Variants in TAF6 observed in about 807,000 individuals in gnomAD.
TAF6 encodes transcription initiation factor TFIID subunit 6.
In TAF6, 50 loss-of-function variants were observed where a neutral mutation model predicts 73.5. The ratio of observed to expected loss-of-function variants is 0.68; its 90% CI spans 0.54 to 0.86. The LOEUF (loss-of-function observed/expected upper bound fraction) is 0.86, where lower values mean the gene tolerates loss of function less well. TAF6 is among the 40% of genes least tolerant of loss of function. The pLI, the probability that TAF6 is intolerant of heterozygous loss-of-function variation, is 0.00. For missense variants in TAF6, 768 were observed against 899.5 expected (o/e 0.85, Z 1.87); for synonymous variants, 424 against 376.7 (o/e 1.13, Z -1.45).
chr7:100,119,183 G>A, intron 1 of TAF6, 21 bp downstream of exon 1: 1 of 988,142 alleles, frequency 1.0e-6, no homozygotes, highest in East Asian at 1.1e-4. Flanking sequence ...GGGTCCCCAC[G>A]AGCACAGACA....
intron 10 of TAF6, among the ~76,000 whole-genome samples, chr7:100,110,725 C>T (rs1404549186): frequency 6.6e-6 from 1 of 152,206 alleles, no homozygotes; most frequent in African/African-American, 2.4e-5. Flanking sequence ...GCAGGAGAAT[C>T]ATTGGAACCC....
At chr7:100,122,236 C>CG (rs1240859657), upstream of TAF6, 6 of 1,613,370 alleles carry the variant, frequency 3.7e-6, no homozygotes, top group Non-Finnish European at 5.1e-6. Context: ...TACCTCCCCC[C>CG]GGACGTTTCT....
At chr7:100,114,908 A>G (rs530351163) in intron 1 of TAF6, among the ~76,000 whole-genome samples, 88 of 152,234 alleles carry the variant, frequency 5.8e-4, no homozygotes, top group African/African-American at 2.0e-3. Context: ...CTAGCTACTC[A>G]GGAGGCAGAG....
chr7:100,114,630 G>C, intron 1 of TAF6: 1 of 427,894 alleles, frequency 2.3e-6, no homozygotes, highest in Non-Finnish European at 4.2e-6. Flanking sequence ...TAAGGCACGA[G>C]AATCACTTGA....
Position 100,107,537 on chromosome 7 carries a change from G to C in TAF6, c.1743C>G (p.Ile581Met), listed in dbSNP as rs542801954. ...VTTTVPSVQP[I>M]VKLVSTATTA... ...TGGTGGCGGTGGAGACCAACTTGAC[G>C]ATGGGCTGCACGCTGGGGACGGTGG... The change falls in exon 15 of 15, where the codon ATC becomes ATG. Residue 581 changes from isoleucine to methionine, a missense_variant. Around this residue, in one of 5 missense-constraint regions of TAF6, gnomAD observed 350 missense variants for 352.3 expected, o/e 0.99. Coordinates refer to ENST00000453269, the MANE Select transcript of TAF6 (RefSeq NM_139315.3). 1 of 1,614,116 alleles carries C rather than the reference G, an allele frequency of 6.2e-7. No homozygotes were observed.
intron 5 of TAF6, 95 bp from the exon 6 acceptor site, chr7:100,113,012 C>T (rs1354804895): frequency 6.6e-7 from 1 of 1,504,002 alleles, no homozygotes; most frequent in South Asian, 1.3e-5. Context: ...TGCCTGTAAT[C>T]CCAGCACTTT....
upstream of TAF6, chr7:100,121,108 A>AT (rs1562938218): frequency 2.2e-4 from 4 of 17,892 alleles, no homozygotes; most frequent in Admixed American, 9.3e-4. Context: ...ATATATATAT[A>AT]TATATATATT....
chr7:100,118,873 G>A lies in TAF6; in HGVS notation c.-60+331C>T, dbSNP rs950595471. The A allele has an allele frequency of 4.1e-6, 4 of 985,178 alleles. No individual in the cohort carries two copies. The African/African-American group carries it at 5.2e-5, about 13-fold the overall frequency. The allele number at this position is 985,178 out of a possible 1,614,324, so 61.0% of individuals were successfully genotyped here. ...ATCTATAGGGAACACAACTATTCGA[G>A]ACATACTCTGTGCCTGGCGCCGGGT... On this transcript the variant is annotated intron_variant, in intron 1 of 14. Transcript: ENST00000453269.
At chr7:100,125,319 C>T in the TAF6 span, 3 of 163,552 alleles carry the variant, frequency 1.8e-5, no homozygotes, top group Non-Finnish European at 2.7e-5. Flanking sequence ...TTGCCTGTAT[C>T]CAGGAGGCTA....
Position 100,119,322 on chromosome 7 carries a change from T to C in TAF6, c.-178A>G. ...AAAACTCTAGCGGCAGCCGAGACGC[T>C]GCTCACCCGGCGCTCGGCGCCATCT... On this transcript the variant is annotated 5_prime_UTR_variant, in exon 1 of 15. Transcript: ENST00000453269. 4.8e-6 allele frequency: 5 copies of C among 1,034,598 alleles called. No homozygotes were observed. The highest frequency in any genetic ancestry group is 5.8e-6 in the Non-Finnish European group (5 of 859,244). The allele number at this position is 1,034,598 out of a possible 1,614,324, so 64.1% of individuals were successfully genotyped here.
upstream of TAF6, chr7:100,122,008 C>CCACTG (rs1294559725): frequency 2.6e-6 from 1 of 391,210 alleles, no homozygotes; most frequent in East Asian, 6.0e-5. Context: ...CGAGACTGCG[C>CCACTG]CACTGCACTA....
chr7:100,108,760 G>A (rs867696334), intron 12 of TAF6: 18 of 477,260 alleles, frequency 3.8e-5, no homozygotes, highest in Middle Eastern at 5.5e-4. Flanking sequence ...CACGGGGCCA[G>A]GTGCAGCATC....
chr7:100,125,103 A>G, the TAF6 span: 3 of 549,302 alleles, frequency 5.5e-6, no homozygotes, highest in Middle Eastern at 4.5e-4. Flanking sequence ...GCTCCTAGAG[A>G]TGAACTCTAT....
Position 100,119,311 on chromosome 7 carries a change from A to G in TAF6, c.-167T>C. Reference sequence around the variant, plus strand: ...CGGGGAGCAGGAAAACTCTAGCGGCAGCCGAGACGCTGCTCACCCGGCGCT... The same window carrying G: ...CGGGGAGCAGGAAAACTCTAGCGGCGGCCGAGACGCTGCTCACCCGGCGCT... On this transcript the variant is annotated 5_prime_UTR_variant, in exon 1 of 15. Transcript: ENST00000453269. 8 of 1,026,316 alleles carry G rather than the reference A, an allele frequency of 7.8e-6. No homozygotes were observed. Among genetic ancestry groups the G allele is most frequent in the Non-Finnish European group, 9.4e-6 (8 of 852,846 alleles). The allele number at this position is 1,026,316 out of a possible 1,614,324, so 63.6% of individuals were successfully genotyped here.
Position 100,119,314 on chromosome 7 carries a change from C to A in TAF6, c.-170G>T. ...GGAGCAGGAAAACTCTAGCGGCAGCCGAGACGCTGCTCACCCGGCGCTCGG... is the reference window on the plus strand; with the variant it reads ...GGAGCAGGAAAACTCTAGCGGCAGCAGAGACGCTGCTCACCCGGCGCTCGG... On this transcript the variant is annotated 5_prime_UTR_variant, in exon 1 of 15. Coordinates refer to ENST00000453269, the MANE Select transcript of TAF6 (RefSeq NM_139315.3). 1 of 1,029,364 alleles carries A rather than the reference C, an allele frequency of 9.7e-7. No individual in the cohort carries two copies. Among genetic ancestry groups the A allele is most frequent in the Middle Eastern group, 4.8e-4 (1 of 2,070 alleles). The allele number at this position is 1,029,364 out of a possible 1,614,324, so 63.8% of individuals were successfully genotyped here.
Position 100,107,190 on chromosome 7 carries a change from GTGCACGTGTGTACA to G in TAF6, c.*42_*55del, listed in dbSNP as rs1584527093. 12 of 1,518,942 alleles carry G rather than the reference GTGCACGTGTGTACA, an allele frequency of 7.9e-6. 1 individual carries two copies. The Admixed American group carries it at 1.5e-4, about 20-fold the overall frequency. 94.1% of individuals were successfully genotyped at this position (1,518,942 alleles called of 1,614,324 possible). ...GCTTAGCGAGCATGCATGTGTGTAC[GTGCACGTGTGTACA>G]TGTCTGCATGTGTGGGAATCCGGGG... On this transcript the variant is annotated 3_prime_UTR_variant, in exon 15 of 15. Coordinates refer to ENST00000453269, the MANE Select transcript of TAF6 (RefSeq NM_139315.3).
upstream of TAF6, chr7:100,121,404 T>G (rs1798065966): frequency 6.6e-6 from 1 of 151,626 alleles, no homozygotes; most frequent in East Asian, 1.9e-4. Flanking sequence ...CCCAAAGTGT[T>G]GGGATTACAG....
intron 1 of TAF6, 197 bp downstream of exon 1, chr7:100,119,007 G>A (rs1453096478): frequency 8.2e-5 from 81 of 985,312 alleles, no homozygotes; most frequent in Non-Finnish European, 9.5e-5. Context: ...ACAGTCACAG[G>A]ATCTCCTCAG....
Position 100,108,466 on chromosome 7 carries a change from C to A in TAF6, c.1359G>T (p.Gly453=), listed in dbSNP as rs766630856. The change falls in exon 13 of 15, where the codon GGG becomes GGT. Residue 453 remains glycine, a synonymous_variant. Coordinates refer to ENST00000453269, the MANE Select transcript of TAF6 (RefSeq NM_139315.3). ...DNQDAYRAEF[G]SLGPLLCSQV... ...GGGAGCAGAGGAGGGGCCCAAGGGA[C>A]CCGAATTCTGCCCGATAGGCGTCCT... 6.2e-7 allele frequency: 1 copy of A among 1,614,012 alleles called. No homozygotes were observed. The highest frequency in any genetic ancestry group is 1.1e-5 in the South Asian group (1 of 91,074).
Sources: gnomAD v4.1 joint callset for allele counts (sites outside exome capture counted in the v4.1 genomes callset) on GRCh38, gnomAD v4.1.1 for gene constraint, gnomAD v4.1.1 regional missense constraint, MANE v1.5 for transcripts, NCBI Gene and HGNC (gene_info 2026-07-23, HGNC 2026-07-21) for gene names.